The following CHST6 variants were observed in gnomAD, a reference collection of about 807,000 sequenced individuals.
CHST6 encodes N-acetylglucosamine 6-O-sulfotransferase 5.
For synonymous variants in CHST6, 309 were observed against 276.4 expected (o/e 1.12, Z -1.17); for missense variants, 698 against 586.2 (o/e 1.19, Z -1.97).
rs1168619782 is a variant in CHST6, at chr16:75,491,165, T to TAAA, written c.-92+3772_-92+3774dup. 9.9e-3 allele frequency among the ~76,000 whole-genome samples: 260 copies of TAAA among 26,270 alleles called. 31 individuals carry two copies. The highest frequency in any genetic ancestry group is 0.016 in the Non-Finnish European group (200 of 12,374). 17.2% of individuals were successfully genotyped at this position (26,270 alleles called of 152,430 possible). A position where few individuals can be genotyped will look rare whatever the true frequency, so the allele number is the denominator to read the frequency against. ...GGGTGACAAGAGTGAAACTCCGTCT[T>TAAA]AAAAAAAAAAAAAAAAAAAAAAAAA... On this transcript the variant is annotated intron_variant, in intron 1 of 2. Coordinates refer to ENST00000332272, the MANE Select transcript of CHST6 (RefSeq NM_021615.5).
At position 75,479,642 on chromosome 16, in the gene CHST6, G is replaced by C. The variant is rs761540154; in HGVS notation, c.187C>G (p.His63Asp). ...SSFVGQLFNQ[H>D]PDVFYLMEPA... ...TCCATTAGGTAGAAGACGTCGGGGT[G>C]CTGGTTGAAGAGTTGGCCCACGAAG... The change falls in exon 3 of 3, where the codon CAC becomes GAC. Residue 63 changes from histidine (H) to aspartate (D), a missense_variant. Transcript: ENST00000332272. 1 of 1,612,780 alleles carries C rather than the reference G, an allele frequency of 6.2e-7. No individual in the cohort carries two copies. Among genetic ancestry groups the C allele is most frequent in the Admixed American group, 1.7e-5 (1 of 60,002 alleles).
At position 75,475,834 on chromosome 16, in the gene CHST6, T is replaced by G. The variant is rs2080060562; in HGVS notation, c.*2807A>C. 1 of 152,176 alleles carries G rather than the reference T, an allele frequency of 6.6e-6. No homozygotes were observed. The highest frequency in any genetic ancestry group is 2.4e-5 in the African/African-American group (1 of 41,436). The allele number at this position is 152,176 out of a possible 1,614,324, so 9.4% of individuals were successfully genotyped here. ...AATTTGTGACCTAAACAGGGGCAAA[T>G]GAAGCTTGTTGGGCATGCTGGCTGG... On this transcript the variant is annotated 3_prime_UTR_variant, in exon 3 of 3. Coordinates refer to ENST00000332272, the MANE Select transcript of CHST6 (RefSeq NM_021615.5).
rs769833756 is a variant in CHST6, at chr16:75,479,015, G to T, written c.814C>A (p.Arg272Ser). ...GGCTCCCGCGCCAGGTCCTCGAAGC[G>T]CACCAGGCGGTAGCGGCCGCGCAGA... ...PFLRGRYRLV[R>S]FEDLAREPLA... is the part of the protein sequence containing the mutation. The change falls in exon 3 of 3, where the codon CGC (arginine) becomes AGC (serine). Residue 272 changes from arginine (R) to serine (S), a missense_variant. By Grantham distance (110) the Arg-to-Ser change is moderately radical. Coordinates refer to ENST00000332272, the MANE Select transcript of CHST6 (RefSeq NM_021615.5). 1 of 1,611,150 alleles carries T rather than the reference G, an allele frequency of 6.2e-7. No homozygotes were observed.
rs1431616855 is a variant in CHST6, at chr16:75,491,180, A to T, written c.-92+3760T>A. Among the ~76,000 whole-genome samples, 411 of 81,388 alleles carry T rather than the reference A, an allele frequency of 5.0e-3. 4 individuals are homozygous for T. The highest frequency in any genetic ancestry group is 0.02 in the African/African-American group (391 of 19,906). 53.4% of individuals were successfully genotyped at this position (81,388 alleles called of 152,430 possible). ...AACTCCGTCTTAAAAAAAAAAAAAA[A>T]AAAAAAAAAAATATATATATATATA... On this transcript the variant is annotated intron_variant, in intron 1 of 2. Coordinates refer to ENST00000332272, the MANE Select transcript of CHST6 (RefSeq NM_021615.5).
Position 75,474,102 on chromosome 16 carries a change from G to C in CHST6, c.*4539C>G, listed in dbSNP as rs1457066309. The C allele has an allele frequency of 1.3e-5, 2 of 152,264 alleles. No homozygotes were observed. Among genetic ancestry groups the C allele is most frequent in the Admixed American group, 6.5e-5 (1 of 15,280 alleles). 9.4% of individuals were successfully genotyped at this position (152,264 alleles called of 1,614,324 possible). ...AGGCAGGAGAATCGCTTGAAACTGG[G>C]AGGCGGAGGTTGCAGTGAGCCAAGA... On this transcript the variant is annotated 3_prime_UTR_variant, in exon 3 of 3. Coordinates refer to ENST00000332272, the MANE Select transcript of CHST6 (RefSeq NM_021615.5).
chr16:75,474,658 C>T lies in CHST6; in HGVS notation c.*3983G>A, dbSNP rs1051764829. 3.5e-5 allele frequency: 14 copies of T among 398,794 alleles called. No individual in the cohort carries two copies. The highest frequency in any genetic ancestry group is 6.2e-4 in the Middle Eastern group (1 of 1,614). The allele number at this position is 398,794 out of a possible 1,614,324, so 24.7% of individuals were successfully genotyped here. A position where few individuals can be genotyped will look rare whatever the true frequency, so the allele number is the denominator to read the frequency against. On this transcript the variant is annotated 3_prime_UTR_variant, in exon 3 of 3. Coordinates refer to ENST00000332272, the MANE Select transcript of CHST6 (RefSeq NM_021615.5). ...CCAAGATCAAGGAGCCAGCATCTAG[C>T]GAGAGCCTTCTTGCTGTGTCCTAGC...
At chr16:75,487,398 C>T (rs1445170933) in intron 1 of CHST6, among the ~76,000 whole-genome samples, 1 of 152,166 alleles carries the variant, frequency 6.6e-6, no homozygotes, top group Non-Finnish European at 1.5e-5. Flanking sequence ...GGAGTGGTGG[C>T]TCACACCTGT....
Position 75,478,363 on chromosome 16 carries a change from A to C in CHST6, c.*278T>G. 4.0e-6 allele frequency: 2 copies of C among 503,302 alleles called. No individual in the cohort carries two copies. The highest frequency in any genetic ancestry group is 4.2e-5 in the South Asian group (2 of 47,746). 31.2% of individuals were successfully genotyped at this position (503,302 alleles called of 1,614,324 possible). ...GGAAGAAAGCCCTTGAGTAGGAGCC[A>C]AGTCATCTGAACGCACACCCTGTGC... On this transcript the variant is annotated 3_prime_UTR_variant, in exon 3 of 3. Coordinates refer to ENST00000332272, the MANE Select transcript of CHST6 (RefSeq NM_021615.5).
rs778373385 is a variant in CHST6 at position 75,479,392 on chromosome 16, T to G, written c.437A>C (p.Glu146Ala). The change falls in exon 3 of 3, where the codon GAG becomes GCG. Residue 146 changes from glutamate (E) to alanine (A), a missense_variant. By Grantham distance (107) the Glu-to-Ala change is moderately radical. Transcript: ENST00000332272. ...SAFPRGAISS[E>A]AVCKPLCARQ... ...CGCGCACAGTGGCTTGCACACGGCC[T>G]CGCTGCTGATGGCGCCTCGGGGAAA... is the stretch of plus-strand genomic sequence containing the variant. 2.5e-6 allele frequency: 4 copies of G among 1,612,684 alleles called. No individual in the cohort carries two copies. The South Asian group carries it at 3.3e-5, about 13-fold the overall frequency.
chr16:75,487,926 G>T (rs2080218872), intron 1 of CHST6, among the ~76,000 whole-genome samples: 1 of 151,944 alleles, frequency 6.6e-6, no homozygotes, highest in South Asian at 2.1e-4. Flanking sequence ...AACCCAGGAG[G>T]CAGAGGTTGC....
rs1299395607 is a variant in CHST6, at chr16:75,478,946, G to C, written c.883C>G (p.Leu295Val). ...ATCCAGGCCTCGAGCTGTGGCGTGA[G>C]ACTGAGCCCAGTGAAGGCGTAGAGC... ...RALYAFTGLSLTPQLEAWIHN... is the reference protein window; with the variant it reads ...RALYAFTGLSVTPQLEAWIHN... Residue 295 changes from leucine to valine, a missense_variant, in exon 3 of 3, where the codon CTC (leucine) becomes GTC (valine). Coordinates refer to ENST00000332272, the MANE Select transcript of CHST6 (RefSeq NM_021615.5). 6.2e-7 allele frequency: 1 copy of C among 1,613,120 alleles called. No homozygotes were observed. Among genetic ancestry groups the C allele is most frequent in the East Asian group, 2.2e-5 (1 of 44,872 alleles).
Position 75,474,646 on chromosome 16 carries a change from G to A in CHST6, c.*3995C>T. The A allele has an allele frequency of 2.5e-6, 1 of 398,940 alleles. No individual in the cohort carries two copies. The highest frequency in any genetic ancestry group is 4.4e-6 in the Non-Finnish European group (1 of 226,344). 24.7% of individuals were successfully genotyped at this position (398,940 alleles called of 1,614,324 possible). A position where few individuals can be genotyped will look rare whatever the true frequency, so the allele number is the denominator to read the frequency against. ...AGGCTGGGAAGCCCAAGATCAAGGAGCCAGCATCTAGCGAGAGCCTTCTTG... is the reference window on the plus strand; with the variant it reads ...AGGCTGGGAAGCCCAAGATCAAGGAACCAGCATCTAGCGAGAGCCTTCTTG... On this transcript the variant is annotated 3_prime_UTR_variant, in exon 3 of 3. Transcript: ENST00000332272.
chr16:75,479,174 C>T lies in CHST6; in HGVS notation c.655G>A (p.Ala219Thr). The change falls in exon 3 of 3, where the codon GCG (alanine) becomes ACG (threonine). Residue 219 changes from alanine to threonine, a missense_variant. By Grantham distance (58) the Ala-to-Thr change is moderately conservative. Coordinates refer to ENST00000332272, the MANE Select transcript of CHST6 (RefSeq NM_021615.5). ...CCCAGCACGATGCCGTTGTCACGCG[C>T]CAGAGCCTTGGCTGTCTGCTCCCGG... ...RSREQTAKAL[A>T]RDNGIVLGTN... 2 of 1,608,254 alleles carry T rather than the reference C, an allele frequency of 1.2e-6. No homozygotes were observed. The highest frequency in any genetic ancestry group is 1.7e-6 in the Non-Finnish European group (2 of 1,179,046).
chr16:75,480,053 T>G (rs1044835635), intron 2 of CHST6, among the ~76,000 whole-genome samples: 1 of 152,124 alleles, frequency 6.6e-6, no homozygotes, highest in African/African-American at 2.4e-5. Flanking sequence ...AAATGCAGAA[T>G]GCGGTCGGAA....
chr16:75,482,519 CA>C lies in CHST6; in HGVS notation c.-91-629del, dbSNP rs1215801974. On this transcript the variant is annotated intron_variant, in intron 1 of 2. Coordinates refer to ENST00000332272, the MANE Select transcript of CHST6 (RefSeq NM_021615.5). ...TGCCACTGCACTCCAGCCTGGGCAA[CA>C]AGGGGGAAACTCCGTCTCAAAACAG... is the stretch of plus-strand genomic sequence containing the variant. 2.0e-5 allele frequency among the ~76,000 whole-genome samples: 3 copies of C among 152,162 alleles called. No homozygotes were observed. The East Asian group carries it at 5.8e-4, about 29-fold the overall frequency.
intron 1 of CHST6, among the ~76,000 whole-genome samples, chr16:75,493,592 G>T (rs1035842771): frequency 6.6e-6 from 1 of 151,966 alleles, no homozygotes; most frequent in African/African-American, 2.4e-5. Context: ...AAGAGTGAGT[G>T]AGTGGATATT....
At chr16:75,489,375 G>C (rs1236270369) in intron 1 of CHST6, among the ~76,000 whole-genome samples, 3 of 147,120 alleles carry the variant, frequency 2.0e-5, no homozygotes, top group Non-Finnish European at 4.5e-5. Context: ...CTCCAGCCTG[G>C]GCAACAAAGC....
intron 1 of CHST6, among the ~76,000 whole-genome samples, chr16:75,484,244 G>C (rs1444562473): frequency 6.6e-6 from 1 of 152,188 alleles, no homozygotes; most frequent in African/African-American, 2.4e-5. Flanking sequence ...GGCTGAGGCA[G>C]GAGAATTGCT....
At position 75,475,713 on chromosome 16, in the gene CHST6, A is replaced by G. The variant is rs1476503576; in HGVS notation, c.*2928T>C. The G allele has an allele frequency of 3.3e-5, 5 of 152,376 alleles. No homozygotes were observed. Among genetic ancestry groups the G allele is most frequent in the African/African-American group, 4.8e-5 (2 of 41,592 alleles). 9.4% of individuals were successfully genotyped at this position (152,376 alleles called of 1,614,324 possible). A position where few individuals can be genotyped will look rare whatever the true frequency, so the allele number is the denominator to read the frequency against. The stretch of plus-strand genomic sequence containing the variant: ...AGAGAGCAAATTCAGGAGCCAGTCA[A>G]GCATGTCCTGACACCTTGGGAGTCA... On this transcript the variant is annotated 3_prime_UTR_variant, in exon 3 of 3. Coordinates refer to ENST00000332272, the MANE Select transcript of CHST6 (RefSeq NM_021615.5).
Sources: allele counts gnomAD v4.1 joint callset (sites outside exome capture counted in the v4.1 genomes callset), GRCh38; gene constraint gnomAD v4.1.1; transcripts MANE v1.5; gene names NCBI Gene and HGNC (gene_info 2026-07-23, HGNC 2026-07-21).